Variants in RYR3 observed in about 807,000 individuals in gnomAD.
RYR3 encodes the protein ryanodine receptor 3, also known as brain ryanodine receptor-calcium release channel.
In RYR3, 207 loss-of-function variants were observed where a neutral mutation model predicts 584.3. That is an observed-to-expected ratio of 0.35 (90% CI 0.32 to 0.40). RYR3 has a LOEUF of 0.40. Ranked by LOEUF, RYR3 falls within the 10% of genes least tolerant of loss-of-function variation. RYR3 has a pLI of 1.00. For synonymous variants in RYR3, 2,416 were observed against 2,248.5 expected (o/e 1.07, Z -2.11); for missense variants, 5,616 against 6,089.2 (o/e 0.92, Z 2.59).
At chr15:33,826,642 C>A in intron 83 of RYR3, 30 bp from the exon 84 acceptor site, 1 of 1,565,454 alleles carries the variant, frequency 6.4e-7, no homozygotes, top group Non-Finnish European at 8.8e-7. Context: ...GAAGCCAAAC[C>A]AATGCTCATC....
chr15:33,790,294 TTTTGTTTG>T (rs140040670), intron 67 of RYR3, among the ~76,000 whole-genome samples: 5,708 of 150,236 alleles, frequency 0.038, 375 homozygotes, highest in African/African-American at 0.13. Context: ...TGCCCAGCCC[TTTTGTTTG>T]TTTGTTTGTT....
intron 67 of RYR3, among the ~76,000 whole-genome samples, chr15:33,797,450 C>T (rs1426529494): frequency 1.3e-5 from 2 of 152,140 alleles, no homozygotes; most frequent in African/African-American, 4.8e-5. Context: ...AGGTGAGGAT[C>T]TTCCATTCTC....
intron 10 of RYR3, among the ~76,000 whole-genome samples, chr15:33,562,198 T>A (rs1417872917): frequency 6.6e-6 from 1 of 152,136 alleles, no homozygotes; most frequent in Non-Finnish European, 1.5e-5. Flanking sequence ...AAGTCCCTTT[T>A]CCACACTGGA....
At chr15:33,519,540 T>A (rs946113265) in intron 3 of RYR3, among the ~76,000 whole-genome samples, 1 of 152,228 alleles carries the variant, frequency 6.6e-6, no homozygotes. Context: ...CAAGCCTGAC[T>A]GTGCATTTGA....
intron 1 of RYR3, among the ~76,000 whole-genome samples, chr15:33,469,211 A>G (rs1343378366): frequency 6.6e-6 from 1 of 152,164 alleles, no homozygotes; most frequent in Non-Finnish European, 1.5e-5. Context: ...TAGGTAATAT[A>G]TGGACATGGA....
intron 78 of RYR3, among the ~76,000 whole-genome samples, 192 bp from the exon 79 acceptor site, chr15:33,821,078 A>G (rs2077079884): frequency 1.3e-5 from 2 of 151,920 alleles, no homozygotes; most frequent in Non-Finnish European, 1.5e-5. Context: ...TACCATCAAA[A>G]TAAGAGTGAT....
In RYR3 at chr15:33,837,738, A is replaced by C. The variant is rs752713454; in HGVS notation, c.11758A>C (p.Lys3920Gln). The change falls in exon 89 of 104, where the codon AAA (lysine) becomes CAA (glutamine). Residue 3920 changes from lysine to glutamine, a missense_variant. By Grantham distance (53) the Lys-to-Gln change is moderately conservative. Coordinates refer to ENST00000634891, the MANE Select transcript of RYR3 (RefSeq NM_001036.6). ...LKFFDMFLKL[K>Q]DLTSSDTFKE... ...ATTCTTTGACATGTTCTTGAAACTT[A>C]AAGACTTAACCAGCTCAGACACCTT... is the stretch of plus-strand genomic sequence containing the variant. The C allele has an allele frequency of 8.7e-6, 14 of 1,613,676 alleles. No homozygotes were observed. The highest frequency in any genetic ancestry group is 1.7e-4 in the Middle Eastern group (1 of 6,060).
At chr15:33,518,744 G>T (rs1388599085) in intron 3 of RYR3, among the ~76,000 whole-genome samples, 1 of 152,226 alleles carries the variant, frequency 6.6e-6, no homozygotes, top group Non-Finnish European at 1.5e-5. Context: ...AAAAGCTAGT[G>T]GATGAGAAGA....
chr15:33,730,751 C>T (rs540095083), intron 47 of RYR3, among the ~76,000 whole-genome samples: 1 of 152,292 alleles, frequency 6.6e-6, no homozygotes, highest in South Asian at 2.1e-4. Context: ...ATGGGTTTTC[C>T]TTGTATTCCA....
intron 21 of RYR3, among the ~76,000 whole-genome samples, 193 bp downstream of exon 21, chr15:33,628,768 T>C (rs2061126362): frequency 6.6e-6 from 1 of 152,230 alleles, no homozygotes; most frequent in Non-Finnish European, 1.5e-5. Flanking sequence ...ATTCGGGATA[T>C]AGCACTGTTT....
rs116948728 is a variant in RYR3 at position 33,853,029 on chromosome 15, T to C, written c.13629-16T>C. ...GTTAAGAATGAAGAACCAACCTTTTTCGTTTTGTTTTTCAGATCTTTTCCT... is the reference window on the plus strand; with the variant it reads ...GTTAAGAATGAAGAACCAACCTTTTCCGTTTTGTTTTTCAGATCTTTTCCT... On this transcript the variant is annotated splice_polypyrimidine_tract_variant and intron_variant, in intron 94 of 103. Coordinates refer to ENST00000634891, the MANE Select transcript of RYR3 (RefSeq NM_001036.6). 3.7e-6 allele frequency: 6 copies of C among 1,600,768 alleles called. No individual in the cohort carries two copies. The highest frequency in any genetic ancestry group is 2.2e-5 in the East Asian group (1 of 44,666).
At chr15:33,467,784 G>A (rs1197046033) in intron 1 of RYR3, among the ~76,000 whole-genome samples, 1 of 152,208 alleles carries the variant, frequency 6.6e-6, no homozygotes, top group Admixed American at 6.5e-5. Context: ...TTTGCAGCAA[G>A]TTTTGGGCTG....
intron 53 of RYR3, among the ~76,000 whole-genome samples, chr15:33,746,802 T>TA (rs2070758401): frequency 1.9e-5 from 2 of 104,574 alleles, no homozygotes; most frequent in Non-Finnish European, 2.3e-5. Context: ...CTTTCTTTCT[T>TA]CTTTTTTTTT....
At chr15:33,779,768 C>T (rs528575155) in intron 64 of RYR3, among the ~76,000 whole-genome samples, 56 of 151,908 alleles carry the variant, frequency 3.7e-4, no homozygotes, top group Admixed American at 8.5e-4. Context: ...TTTGGGAGGC[C>T]GAGGCGGGCA....
At chr15:33,824,110 A>T (rs1303703464) in intron 81 of RYR3, among the ~76,000 whole-genome samples, 3 of 152,202 alleles carry the variant, frequency 2.0e-5, no homozygotes, top group African/African-American at 7.2e-5. Context: ...CTAAAATAGT[A>T]CATATGAACT....
At chr15:33,858,340 G>GA (rs112841318) in intron 99 of RYR3, 1,935 of 174,436 alleles carry the variant, frequency 0.011, 37 homozygotes, top group African/African-American at 0.043. Context: ...TAGTAGCTGG[G>GA]ATTACAGGCA....
intron 65 of RYR3, among the ~76,000 whole-genome samples, chr15:33,781,218 G>A (rs926577268): frequency 3.9e-5 from 6 of 152,120 alleles, no homozygotes; most frequent in Admixed American, 3.3e-4. Flanking sequence ...TAGAATAGAG[G>A]AGCTTCAAGT....
intron 67 of RYR3, among the ~76,000 whole-genome samples, chr15:33,797,393 G>C (rs923075852): frequency 6.6e-6 from 1 of 152,106 alleles, no homozygotes; most frequent in Admixed American, 6.5e-5. Flanking sequence ...GAAGCACCTT[G>C]TTGCATTAAT....
At chr15:33,643,224 C>G (rs1420023062) in intron 27 of RYR3, among the ~76,000 whole-genome samples, 2 of 152,160 alleles carry the variant, frequency 1.3e-5, no homozygotes, top group African/African-American at 4.8e-5. Context: ...CCTGCCTCAT[C>G]CAGCAGCCTC....
Sources: gnomAD v4.1 joint callset for allele counts (sites outside exome capture counted in the v4.1 genomes callset) on GRCh38, gnomAD v4.1.1 for gene constraint, MANE v1.5 for transcripts, NCBI Gene and HGNC (gene_info 2026-07-23, HGNC 2026-07-21) for gene names.